PLD5: variants seen among roughly 807,000 people sequenced by gnomAD.
PLD5 encodes the protein inactive phospholipase D5.
In PLD5, 36 loss-of-function variants were observed where a neutral mutation model predicts 61.1. The ratio of observed to expected loss-of-function variants is 0.59; its 90% confidence interval spans 0.45 to 0.78. The LOEUF is 0.78. Among genes scored for constraint, PLD5 ranks in the 30% least tolerant of loss-of-function variants. PLD5 has a pLI of 0.00. For synonymous variants in PLD5, 243 were observed against 242.8 expected (o/e 1.00, Z -0.01); for missense variants, 515 against 644.4 (o/e 0.80, Z 2.17).
intron 5 of PLD5, among the ~76,000 whole-genome samples, chr1:242,137,380 A>T (rs999711629): frequency 6.6e-6 from 1 of 152,084 alleles, no homozygotes; most frequent in African/African-American, 2.4e-5. Flanking sequence ...TTCTCTAATA[A>T]ATCTGCCTTT....
chr1:242,424,110 G>C (rs1665290872), intron 1 of PLD5, among the ~76,000 whole-genome samples: 1 of 152,182 alleles, frequency 6.6e-6, no homozygotes, highest in South Asian at 2.1e-4. Flanking sequence ...CTGCTCATGA[G>C]AGTGAAGATA....
intron 5 of PLD5, among the ~76,000 whole-genome samples, chr1:242,170,326 G>C (rs2148874067): frequency 6.6e-6 from 1 of 152,288 alleles, no homozygotes; most frequent in South Asian, 2.1e-4. Context: ...AACTCCAGCA[G>C]ACCCACAGCA....
At chr1:242,204,533 T>A (rs1023489878) in intron 5 of PLD5, among the ~76,000 whole-genome samples, 1 of 152,082 alleles carries the variant, frequency 6.6e-6, no homozygotes, top group Non-Finnish European at 1.5e-5. Context: ...CCATGGACAA[T>A]AAATAAGCAG....
At chr1:242,241,908 T>TATATAC (rs1553334435) in intron 4 of PLD5, among the ~76,000 whole-genome samples, 24 of 43,192 alleles carry the variant, frequency 5.6e-4, no homozygotes, top group Non-Finnish European at 4.0e-4. Context: ...TATATATATA[T>TATATAC]ATACTTACTG....
intron 4 of PLD5, among the ~76,000 whole-genome samples, chr1:242,239,267 G>C (rs1282736899): frequency 6.7e-6 from 1 of 150,228 alleles, no homozygotes; most frequent in Non-Finnish European, 1.5e-5. Flanking sequence ...TTGTCCCATA[G>C]TCTCTGCATG....
chr1:242,392,641 G>A (rs758217850), intron 1 of PLD5, among the ~76,000 whole-genome samples: 46 of 152,100 alleles, frequency 3.0e-4, no homozygotes, highest in East Asian at 1.9e-4. Flanking sequence ...CTCTCTCAGT[G>A]CCTCATGGGT....
chr1:242,310,017 G>A (rs1011960170), intron 2 of PLD5, among the ~76,000 whole-genome samples: 1 of 149,244 alleles, frequency 6.7e-6, no homozygotes, highest in African/African-American at 2.5e-5. Context: ...ACACTTAAAT[G>A]CCAAAGCTTA....
intron 1 of PLD5, among the ~76,000 whole-genome samples, chr1:242,436,187 T>G (rs1665989411): frequency 6.6e-6 from 1 of 152,224 alleles, no homozygotes; most frequent in South Asian, 2.1e-4. Flanking sequence ...AAATGCATAT[T>G]AAATCACTCT....
chr1:242,249,342 C>T (rs1672575441), intron 4 of PLD5, among the ~76,000 whole-genome samples: 1 of 152,156 alleles, frequency 6.6e-6, no homozygotes, highest in African/African-American at 2.4e-5. Flanking sequence ...GCACCTTGAT[C>T]TTGTACATCC....
intron 1 of PLD5, among the ~76,000 whole-genome samples, chr1:242,421,698 G>C (rs147847183): frequency 6.6e-6 from 1 of 152,196 alleles, no homozygotes; most frequent in African/African-American, 2.4e-5. Context: ...GAGAGTTTCA[G>C]ACATTAAGTC....
intron 1 of PLD5, among the ~76,000 whole-genome samples, chr1:242,471,140 G>A (rs966174441): frequency 6.6e-6 from 1 of 152,128 alleles, no homozygotes; most frequent in African/African-American, 2.4e-5. Context: ...TCCCAGGGGG[G>A]CTATGTCAGA....
At chr1:242,463,501 C>T (rs1156338425) in intron 1 of PLD5, among the ~76,000 whole-genome samples, 1 of 152,178 alleles carries the variant, frequency 6.6e-6, no homozygotes, top group Non-Finnish European at 1.5e-5. Context: ...GGTTATTTCA[C>T]ACTCCTTGAC....
At chr1:242,481,146 G>A (rs571915200) in intron 1 of PLD5, among the ~76,000 whole-genome samples, 133 of 152,292 alleles carry the variant, frequency 8.7e-4, no homozygotes, top group Middle Eastern at 6.8e-3. Context: ...TGCAGAAGAC[G>A]AATGATTTCT....
At chr1:242,357,240 C>G (rs1660801524) in intron 1 of PLD5, among the ~76,000 whole-genome samples, 1 of 151,446 alleles carries the variant, frequency 6.6e-6, no homozygotes, top group South Asian at 2.1e-4. Flanking sequence ...TCATTCAGCA[C>G]TTTGAAAATA....
At chr1:242,091,125 T>C (rs987080917) in intron 9 of PLD5, among the ~76,000 whole-genome samples, 2 of 152,154 alleles carry the variant, frequency 1.3e-5, no homozygotes, top group African/African-American at 4.8e-5. Context: ...TCCCCCCTTT[T>C]ACAAGGACAC....
At position 242,175,922 on chromosome 1, in the gene PLD5, A is replaced by G. The variant is rs139331588; in HGVS notation, c.735+44066T>C. ...CAAGGAGAACTACAAACCACTGCTCAAGGAAATAAGAGAGGACACAAACAA... is the reference window on the plus strand; with the variant it reads ...CAAGGAGAACTACAAACCACTGCTCGAGGAAATAAGAGAGGACACAAACAA... On this transcript the variant is annotated intron_variant, in intron 5 of 9. Transcript: ENST00000536534. Among the ~76,000 whole-genome samples the G allele has an allele frequency of 8.0e-3, 1,222 of 152,344 alleles. 21 individuals carry two copies. The highest frequency in any genetic ancestry group is 0.028 in the African/African-American group (1,171 of 41,576).
At chr1:242,470,712 G>A (rs1667425313) in intron 1 of PLD5, among the ~76,000 whole-genome samples, 2 of 152,214 alleles carry the variant, frequency 1.3e-5, no homozygotes, top group African/African-American at 2.4e-5. Context: ...GGCTCTGCCA[G>A]CTTCGGTATG....
At chr1:242,366,814 A>G (rs1316401672) in intron 1 of PLD5, among the ~76,000 whole-genome samples, 1 of 152,168 alleles carries the variant, frequency 6.6e-6, no homozygotes, top group East Asian at 1.9e-4. Context: ...TATTTGTCAA[A>G]TGAGTGATGA....
chr1:242,407,285 G>A (rs1664286362), intron 1 of PLD5, among the ~76,000 whole-genome samples: 2 of 150,926 alleles, frequency 1.3e-5, no homozygotes, highest in African/African-American at 4.9e-5. Context: ...GGAACTGTGA[G>A]TCCATTAAAC....
Sources: allele counts gnomAD v4.1 joint callset (sites outside exome capture counted in the v4.1 genomes callset), GRCh38; gene constraint gnomAD v4.1.1; transcripts MANE v1.5; gene names NCBI Gene and HGNC (gene_info 2026-07-23, HGNC 2026-07-21).